Variants in EIF3H observed in about 807,000 individuals in gnomAD.
The protein encoded by EIF3H is eukaryotic translation initiation factor 3 subunit H.
A neutral mutation model predicts 44.2 loss-of-function variants in EIF3H; 26 were observed. That is an observed-to-expected ratio of 0.59 (90% CI 0.43 to 0.82). The LOEUF (loss-of-function observed/expected upper bound fraction) is 0.82. Ranked by LOEUF, EIF3H falls within the 40% of genes least tolerant of loss-of-function variation. EIF3H has a pLI of 0.00. For missense variants in EIF3H, 359 were observed against 432.8 expected, an observed-to-expected ratio of 0.83 and a Z score of 1.51; for synonymous variants, 166 against 151.9, an observed-to-expected ratio of 1.09 and a Z score of -0.68.
intron 3 of EIF3H, chr8:116,658,120 G>A (rs1040686610): frequency 4.6e-5 from 7 of 152,206 alleles, no homozygotes; most frequent in Non-Finnish European, 7.3e-5. Context: ...GTTCTTTACT[G>A]TAATCCAATT....
intron 2 of EIF3H, among the ~76,000 whole-genome samples, chr8:116,703,668 C>T (rs1225769244): frequency 6.6e-6 from 1 of 152,218 alleles, no homozygotes; most frequent in Non-Finnish European, 1.5e-5. Flanking sequence ...CCGGTGGACA[C>T]ATGGCTTGTG....
chr8:116,743,944 T>C (rs1414283169), intron 1 of EIF3H, among the ~76,000 whole-genome samples: 4 of 151,790 alleles, frequency 2.6e-5, no homozygotes, highest in Non-Finnish European at 5.9e-5. Flanking sequence ...GAAGATAACT[T>C]AGTCAGCAGC....
At chr8:116,744,362 A>C (rs1386376362) in intron 1 of EIF3H, among the ~76,000 whole-genome samples, 1 of 152,212 alleles carries the variant, frequency 6.6e-6, no homozygotes, top group African/African-American at 2.4e-5. Context: ...AAAGACTCAA[A>C]GGATTAAAAA....
chr8:116,715,689 T>C (rs192671960), intron 2 of EIF3H, among the ~76,000 whole-genome samples: 170 of 152,236 alleles, frequency 1.1e-3, no homozygotes, highest in African/African-American at 4.0e-3. Flanking sequence ...CAGTGAGTTA[T>C]TGAATCTGTG....
At chr8:116,732,797 C>T (rs1302169003) in intron 1 of EIF3H, among the ~76,000 whole-genome samples, 1 of 152,174 alleles carries the variant, frequency 6.6e-6, no homozygotes. Flanking sequence ...TTTAGAACAG[C>T]AAGTCTCAAA....
intron 2 of EIF3H, among the ~76,000 whole-genome samples, chr8:116,720,310 T>C (rs569222416): frequency 3.9e-5 from 6 of 152,358 alleles, no homozygotes; most frequent in African/African-American, 7.2e-5. Context: ...AATTTTTACA[T>C]TGAAAAAATA....
At chr8:116,757,726 T>A (rs1407801099), upstream of EIF3H, among the ~76,000 whole-genome samples, 1 of 151,042 alleles carries the variant, frequency 6.6e-6, no homozygotes, top group Non-Finnish European at 1.5e-5. Context: ...TATGTTAATT[T>A]TTTTTTTTTT....
chr8:116,737,712 T>A (rs1275103173), intron 1 of EIF3H: 2 of 153,296 alleles, frequency 1.3e-5, no homozygotes, highest in African/African-American at 4.8e-5. Flanking sequence ...TAAAAACTTA[T>A]TACCTACATG....
intron 1 of EIF3H, among the ~76,000 whole-genome samples, chr8:116,746,249 A>G (rs960012833): frequency 1.3e-5 from 2 of 152,240 alleles, no homozygotes; most frequent in African/African-American, 2.4e-5. Flanking sequence ...TCTGAAAAAC[A>G]TATTTCCCAA....
intron 2 of EIF3H, among the ~76,000 whole-genome samples, chr8:116,690,257 C>T (rs1289709304): frequency 1.3e-5 from 2 of 151,964 alleles, no homozygotes; most frequent in African/African-American, 4.8e-5. Flanking sequence ...TGCTCTATTA[C>T]AGAAAATACA....
At chr8:116,695,785 T>C (rs1403555333) in intron 2 of EIF3H, among the ~76,000 whole-genome samples, 1 of 152,064 alleles carries the variant, frequency 6.6e-6, no homozygotes, top group South Asian at 2.1e-4. Flanking sequence ...AGGAAAAGGC[T>C]TGGGAGCAGA....
At chr8:116,674,113 G>C (rs1306615163) in intron 2 of EIF3H, among the ~76,000 whole-genome samples, 1 of 146,166 alleles carries the variant, frequency 6.8e-6, no homozygotes, top group African/African-American at 2.5e-5. Flanking sequence ...ACTTAAAGGT[G>C]GAAATTTTAA....
chr8:116,683,913 T>C (rs1814032268), intron 2 of EIF3H, among the ~76,000 whole-genome samples: 1 of 152,226 alleles, frequency 6.6e-6, no homozygotes, highest in South Asian at 2.1e-4. Flanking sequence ...TAGCCCATAT[T>C]TATTCACAGT....
intron 5 of EIF3H, among the ~76,000 whole-genome samples, chr8:116,651,095 G>A (rs1013850858): frequency 6.6e-6 from 1 of 152,204 alleles, no homozygotes. Flanking sequence ...AAAACATTGT[G>A]AATATACTAA....
chr8:116,701,838 A>C (rs1814380821), intron 2 of EIF3H, among the ~76,000 whole-genome samples: 1 of 152,232 alleles, frequency 6.6e-6, no homozygotes, highest in Non-Finnish European at 1.5e-5. Context: ...CCCGGACTGC[A>C]TCCTACATCA....
At chr8:116,715,878 GTA>G (rs1814652299) in intron 2 of EIF3H, among the ~76,000 whole-genome samples, 1 of 139,132 alleles carries the variant, frequency 7.2e-6, no homozygotes, top group Non-Finnish European at 1.7e-5. Context: ...GGGAATTTTA[GTA>G]TGAGTTTTTC....
At chr8:116,705,841 C>T (rs1814460360) in intron 2 of EIF3H, among the ~76,000 whole-genome samples, 1 of 151,896 alleles carries the variant, frequency 6.6e-6, no homozygotes, top group Non-Finnish European at 1.5e-5. Context: ...ACTAATGTAT[C>T]TCAGTAATAT....
chr8:116,656,779 T>C (rs1813497808), intron 4 of EIF3H, among the ~76,000 whole-genome samples: 1 of 152,172 alleles, frequency 6.6e-6, no homozygotes, highest in Non-Finnish European at 1.5e-5. Context: ...CTGTCACCCA[T>C]AAAATTTCCA....
intron 1 of EIF3H, among the ~76,000 whole-genome samples, chr8:116,744,844 G>A (rs1309581665): frequency 6.6e-6 from 1 of 152,216 alleles, no homozygotes; most frequent in Non-Finnish European, 1.5e-5. Flanking sequence ...TAGACTTGAT[G>A]AAGTAAAAGA....
Sources: allele counts gnomAD v4.1 joint callset (sites outside exome capture counted in the v4.1 genomes callset), GRCh38; gene constraint gnomAD v4.1.1; transcripts MANE v1.5; gene names NCBI Gene and HGNC (gene_info 2026-07-23, HGNC 2026-07-21).